DOP1A: variants seen among roughly 807,000 people sequenced by gnomAD.
The protein encoded by DOP1A is protein DOP1A.
DOP1A carries 90 observed loss-of-function variants against 267.6 expected under a neutral mutation model. That is an observed-to-expected ratio of 0.34 (90% CI 0.28 to 0.40). DOP1A has a LOEUF of 0.40. Among genes scored for constraint, DOP1A ranks in the 10% least tolerant of loss-of-function variants. The pLI, the probability that DOP1A is intolerant of heterozygous loss-of-function variation, is 1.00. For missense variants in DOP1A, 2,437 were observed against 2,900.4 expected (o/e 0.84, Z 3.67); for synonymous variants, 932 against 999.1 (o/e 0.93, Z 1.27).
At chr6:83,160,045 T>G in intron 37 of DOP1A, 85 bp downstream of exon 37, 1 of 1,342,416 alleles carries the variant, frequency 7.4e-7, no homozygotes, top group Non-Finnish European at 1.0e-6. Flanking sequence ...TTAAAAAGTT[T>G]TTTGTGTAAG....
intron 4 of DOP1A, 69 bp downstream of exon 4, chr6:83,100,955 T>G: frequency 9.3e-7 from 1 of 1,073,844 alleles, no homozygotes; most frequent in Non-Finnish European, 1.2e-6. Context: ...ATTTTATACT[T>G]TCTGCACTAA....
chr6:83,141,829 T>G, intron 23 of DOP1A, 92 bp from the exon 24 acceptor site: 1 of 1,328,546 alleles, frequency 7.5e-7, no homozygotes, highest in Non-Finnish European at 1.0e-6. Context: ...ATAAGTACTA[T>G]ATTATTTCAA....
chr6:83,083,974 G>A (rs555377581), intron 1 of DOP1A, among the ~76,000 whole-genome samples: 9 of 152,234 alleles, frequency 5.9e-5, no homozygotes, highest in East Asian at 1.9e-4. Flanking sequence ...TTTTAATAAC[G>A]TATATAATTT....
chr6:83,083,633 T>C (rs1360529932), intron 1 of DOP1A, among the ~76,000 whole-genome samples: 1 of 152,214 alleles, frequency 6.6e-6, no homozygotes, highest in Admixed American at 6.5e-5. Context: ...GTATAGTGCC[T>C]GGCACAGAGT....
intron 24 of DOP1A, among the ~76,000 whole-genome samples, chr6:83,143,284 C>T (rs1185630942): frequency 6.6e-6 from 1 of 152,118 alleles, no homozygotes; most frequent in Non-Finnish European, 1.5e-5. Context: ...TGCCTGTAGA[C>T]CTATCTACTC....
rs1012030055 is a variant in DOP1A, at chr6:83,164,800, A to G, written c.7092+1881A>G. 5.2e-6 allele frequency: 6 copies of G among 1,156,486 alleles called. No homozygotes were observed. In the African/African-American group the frequency reaches 7.7e-5, roughly 15 times the overall value. 71.6% of individuals were successfully genotyped at this position (1,156,486 alleles called of 1,614,324 possible). A position where few individuals can be genotyped will look rare whatever the true frequency, so the allele number is the denominator to read the frequency against. On this transcript the variant is annotated intron_variant, in intron 38 of 38. Coordinates refer to ENST00000349129, the MANE Select transcript of DOP1A (RefSeq NM_015018.4). ...GACACAAACCCAGGTCTGAATGTCA[A>G]CAAGTACAAGGGAGGTAAACAGGAA...
At position 83,108,929 on chromosome 6, in the gene DOP1A, C is replaced by G. The variant is rs1774108590; in HGVS notation, c.340C>G (p.Leu114Val). ...FLYSSGLFPL[L>V]ANAAMSVKPT... ...TAATAGTTCTGGATTATTTCCTCTT[C>G]TTGCAAATGCTGCCATGTCTGTGAA... is the stretch of plus-strand genomic sequence containing the variant. Residue 114 changes from leucine (L) to valine (V), a missense_variant, in exon 5 of 39, where the codon CTT becomes GTT. This residue lies in a region of DOP1A where 251 missense variants were observed against 359.1 expected (regional missense o/e 0.70). Coordinates refer to ENST00000349129, the MANE Select transcript of DOP1A (RefSeq NM_015018.4). 1.2e-6 allele frequency: 2 copies of G among 1,611,588 alleles called. No individual in the cohort carries two copies. Among genetic ancestry groups the G allele is most frequent in the Non-Finnish European group, 1.7e-6 (2 of 1,178,972 alleles).
At position 83,168,332 on chromosome 6, in the gene DOP1A, T is replaced by C; in HGVS notation, c.*165T>C. 7.1e-7 allele frequency: 1 copy of C among 1,415,624 alleles called. No individual in the cohort carries two copies. The highest frequency in any genetic ancestry group is 9.2e-7 in the Non-Finnish European group (1 of 1,090,386). The allele number at this position is 1,415,624 out of a possible 1,614,324, so 87.7% of individuals were successfully genotyped here. ...TAAGAGCAAATGTCTGAATGTGGCC[T>C]GAATCAAGTTTAAATATTGTTGGCT... On this transcript the variant is annotated 3_prime_UTR_variant, in exon 39 of 39. Transcript: ENST00000349129.
intron 23 of DOP1A, among the ~76,000 whole-genome samples, chr6:83,140,823 C>T (rs141477908): frequency 7.2e-5 from 11 of 151,892 alleles, no homozygotes; most frequent in Admixed American, 2.0e-4. Context: ...GCTTCTTTCA[C>T]GTGACATATT....
intron 7 of DOP1A, among the ~76,000 whole-genome samples, chr6:83,116,825 A>G (rs1466569917): frequency 1.3e-5 from 2 of 152,046 alleles, no homozygotes; most frequent in East Asian, 3.9e-4. Context: ...AAAATCCAAA[A>G]AATACAGTTT....
Position 83,125,511 on chromosome 6 carries a change from T to C in DOP1A, c.1497T>C (p.Ile499=). 2.5e-6 allele frequency: 4 copies of C among 1,613,084 alleles called. No individual in the cohort carries two copies. Among genetic ancestry groups the C allele is most frequent in the Non-Finnish European group, 3.4e-6 (4 of 1,179,544 alleles). Residue 499 remains isoleucine, a synonymous_variant, in exon 15 of 39, where the codon ATT becomes ATC. Coordinates refer to ENST00000349129, the MANE Select transcript of DOP1A (RefSeq NM_015018.4). The part of the protein sequence containing the change: ...SMRVLCQETY[I]EIQTEHLPQL... ...ACTTTTATTTTCAGGAGACTTACAT[T>C]GAAATCCAGACAGAACACTTGCCCC...
chr6:83,120,678 T>C lies in DOP1A; in HGVS notation c.991-5T>C. 1 of 1,564,726 alleles carries C rather than the reference T, an allele frequency of 6.4e-7. No homozygotes were observed. The highest frequency in any genetic ancestry group is 8.7e-7 in the Non-Finnish European group (1 of 1,144,178). On this transcript the variant is annotated splice_polypyrimidine_tract_variant and splice_region_variant and intron_variant, in intron 9 of 38. Coordinates refer to ENST00000349129, the MANE Select transcript of DOP1A (RefSeq NM_015018.4). ...AAATGACCAGTGTACTTTCCTTTTT[T>C]AAAGGCAATGGTGGGAATCTTACAA...
chr6:83,169,222 T>C, downstream of DOP1A: 1 of 1,613,862 alleles, frequency 6.2e-7, no homozygotes. Context: ...CTCAGGAATA[T>C]GAAAATTATC....
intron 7 of DOP1A, 117 bp downstream of exon 7, chr6:83,113,538 G>A (rs899536307): frequency 3.2e-5 from 24 of 739,180 alleles, no homozygotes; most frequent in African/African-American, 1.1e-4. Context: ...ATCAGTAAGC[G>A]CATGGAAAAT....
chr6:83,110,659 A>G (rs1774391152), intron 6 of DOP1A, among the ~76,000 whole-genome samples: 1 of 152,154 alleles, frequency 6.6e-6, no homozygotes, highest in Non-Finnish European at 1.5e-5. Flanking sequence ...TACTTATACA[A>G]TATTTTTCTT....
chr6:83,075,702 C>G (rs369697842), intron 1 of DOP1A, among the ~76,000 whole-genome samples: 2 of 152,204 alleles, frequency 1.3e-5, no homozygotes, highest in South Asian at 2.1e-4. Flanking sequence ...TTTATACGGT[C>G]CAACAGTGTT....
intron 24 of DOP1A, 129 bp downstream of exon 24, chr6:83,142,175 T>A: frequency 8.5e-7 from 1 of 1,174,120 alleles, no homozygotes; most frequent in Non-Finnish European, 1.2e-6. Flanking sequence ...TCGACAGCTT[T>A]AGATAAATTG....
At chr6:83,071,138 GTGT>G (rs1704775843) in intron 1 of DOP1A, among the ~76,000 whole-genome samples, 2 of 152,170 alleles carry the variant, frequency 1.3e-5, no homozygotes, top group Admixed American at 1.3e-4. Flanking sequence ...AATTTCAGTG[GTGT>G]TAACATCTTG....
intron 1 of DOP1A, among the ~76,000 whole-genome samples, chr6:83,086,417 G>A (rs987838155): frequency 6.6e-6 from 1 of 152,140 alleles, no homozygotes; most frequent in African/African-American, 2.4e-5. Context: ...AGGAAGAGGA[G>A]GAGAAAGAAG....
Sources: gnomAD v4.1 joint callset for allele counts (sites outside exome capture counted in the v4.1 genomes callset) on GRCh38, gnomAD v4.1.1 for gene constraint, gnomAD v4.1.1 regional missense constraint, MANE v1.5 for transcripts, NCBI Gene and HGNC (gene_info 2026-07-23, HGNC 2026-07-21) for gene names.